The following BBS9 variants were observed in gnomAD, a reference collection of about 807,000 sequenced individuals.
BBS9 encodes Bardet-Biedl syndrome 9.
A neutral mutation model predicts 117.7 loss-of-function variants in BBS9; 89 were observed. The ratio of observed to expected loss-of-function variants is 0.76; its 90% confidence interval spans 0.64 to 0.90. The LOEUF is 0.90. Among genes scored for constraint, BBS9 ranks in the 40% least tolerant of loss-of-function variants. BBS9 has a pLI of 0.00. For missense variants in BBS9, 982 were observed against 1,042.2 expected (o/e 0.94, Z 0.80); for synonymous variants, 379 against 370.9 (o/e 1.02, Z -0.25).
intron 5 of BBS9, among the ~76,000 whole-genome samples, chr7:33,221,370 A>G (rs935765829): frequency 2.6e-5 from 4 of 152,204 alleles, no homozygotes; most frequent in African/African-American, 7.2e-5. Context: ...TGCTAATTAT[A>G]TTTTGATTTA....
At chr7:33,552,866 G>A (rs563802458) in intron 21 of BBS9, among the ~76,000 whole-genome samples, 4 of 152,200 alleles carry the variant, frequency 2.6e-5, no homozygotes, top group Non-Finnish European at 5.9e-5. Flanking sequence ...ATTAAACTTA[G>A]ACTTGTTACC....
rs537767898 is a variant in BBS9, at chr7:33,160,531, G to GA, written c.328+4835dup. 1.7e-3 allele frequency among the ~76,000 whole-genome samples: 257 copies of GA among 152,190 alleles called. 2 individuals are homozygous for GA. The highest frequency in any genetic ancestry group is 5.5e-3 in the African/African-American group (230 of 41,546). On this transcript the variant is annotated intron_variant, in intron 4 of 22. Coordinates refer to ENST00000242067, the MANE Select transcript of BBS9 (RefSeq NM_198428.3). ...CTATTGTTCATGGAAGCATAAGCAA[G>GA]AAAAAATAGGTAAGAGTCTCCTGAT...
At chr7:33,557,929 A>C (rs1855528858) in intron 21 of BBS9, among the ~76,000 whole-genome samples, 1 of 152,194 alleles carries the variant, frequency 6.6e-6, no homozygotes, top group South Asian at 2.1e-4. Context: ...CCACCATCCC[A>C]AGTTCAAGGT....
At position 33,273,147 on chromosome 7, in the gene BBS9, A is replaced by G; in HGVS notation, c.838A>G (p.Met280Val). The G allele has an allele frequency of 3.1e-6, 5 of 1,613,772 alleles. No individual in the cohort carries two copies. Among genetic ancestry groups the G allele is most frequent in the Non-Finnish European group, 4.2e-6 (5 of 1,179,796 alleles). The change falls in exon 8 of 23, where the codon ATG becomes GTG. Residue 280 changes from methionine (M) to valine (V), a missense_variant. By Grantham distance (21) the Met-to-Val change is conservative. Coordinates refer to ENST00000242067, the MANE Select transcript of BBS9 (RefSeq NM_198428.3). ...CLKDNGQIRF[M>V]KKLDWSPSCF... Reference sequence around the variant, plus strand: ...TAAGGATAATGGACAAATTCGATTCATGAAGAAGCTTGATTGGAGCCCAAG... The same window carrying G: ...TAAGGATAATGGACAAATTCGATTCGTGAAGAAGCTTGATTGGAGCCCAAG...
chr7:33,493,626 T>C (rs897260405), intron 19 of BBS9, among the ~76,000 whole-genome samples: 15 of 152,206 alleles, frequency 9.9e-5, no homozygotes, highest in Non-Finnish European at 1.8e-4. Flanking sequence ...AGCTGTCCTT[T>C]AGGTAGTAGA....
intron 12 of BBS9, among the ~76,000 whole-genome samples, chr7:33,348,656 G>T (rs1818045235): frequency 2.6e-5 from 4 of 152,114 alleles, no homozygotes. Flanking sequence ...TAGAGTAGCT[G>T]TACCAATTTA....
intron 21 of BBS9, among the ~76,000 whole-genome samples, chr7:33,556,243 T>G (rs1460790220): frequency 2.0e-5 from 3 of 152,210 alleles, no homozygotes; most frequent in Non-Finnish European, 1.5e-5. Context: ...CTAGAGGAAT[T>G]TGTTCTCTAT....
chr7:33,180,742 A>G (rs1307736171), intron 5 of BBS9, among the ~76,000 whole-genome samples: 1 of 152,158 alleles, frequency 6.6e-6, no homozygotes, highest in Non-Finnish European at 1.5e-5. Context: ...ATGGGAGCCC[A>G]TTCTCTCCTG....
chr7:33,130,975 T>C (rs1427380280), intron 1 of BBS9, among the ~76,000 whole-genome samples: 2 of 152,222 alleles, frequency 1.3e-5, no homozygotes, highest in African/African-American at 4.8e-5. Context: ...TTTACACCTT[T>C]TGAGGGATGT....
intron 19 of BBS9, among the ~76,000 whole-genome samples, chr7:33,452,033 C>A (rs1488372216): frequency 6.6e-6 from 1 of 152,046 alleles, no homozygotes; most frequent in Non-Finnish European, 1.5e-5. Flanking sequence ...GGGGTTTTGC[C>A]ATGCTGGCCA....
At chr7:33,208,972 G>A (rs1279261326) in intron 5 of BBS9, among the ~76,000 whole-genome samples, 2 of 152,058 alleles carry the variant, frequency 1.3e-5, no homozygotes, top group African/African-American at 4.8e-5. Context: ...GACTCTTTTA[G>A]TTATTTAAAA....
Position 33,587,336 on chromosome 7 carries a change from T to G in BBS9, c.2522-17529T>G, listed in dbSNP as rs147258488. Among the ~76,000 whole-genome samples, 206 of 152,262 alleles carry G rather than the reference T, an allele frequency of 1.4e-3. 4 individuals are homozygous for G. The highest frequency in any genetic ancestry group is 3.4e-3 in the Middle Eastern group (1 of 294). ...TTCTGTAGTGTTTCCACAGAGCTGC[T>G]TCTTGGAGCTCCTATTCTACATCCC... On this transcript the variant is annotated intron_variant, in intron 21 of 22. Coordinates refer to ENST00000242067, the MANE Select transcript of BBS9 (RefSeq NM_198428.3).
intron 19 of BBS9, among the ~76,000 whole-genome samples, chr7:33,470,145 G>T (rs909893242): frequency 2.0e-5 from 3 of 152,138 alleles, no homozygotes; most frequent in African/African-American, 7.2e-5. Context: ...AGGTCCTCAA[G>T]AAGTGCTTAT....
At chr7:33,173,912 A>G (rs1212860986) in intron 4 of BBS9, among the ~76,000 whole-genome samples, 1 of 152,242 alleles carries the variant, frequency 6.6e-6, no homozygotes, top group Non-Finnish European at 1.5e-5. Context: ...GTGTGCAAGA[A>G]AAATGAAACA....
intron 19 of BBS9, among the ~76,000 whole-genome samples, chr7:33,429,804 G>C (rs1834173950): frequency 6.6e-6 from 1 of 152,116 alleles, no homozygotes; most frequent in Admixed American, 6.5e-5. Flanking sequence ...TGTCGCAGTG[G>C]TTTCATAGTA....
chr7:33,453,761 C>T (rs568209866), intron 19 of BBS9, among the ~76,000 whole-genome samples: 19 of 152,308 alleles, frequency 1.2e-4, no homozygotes, highest in African/African-American at 4.6e-4. Flanking sequence ...CTCAGGTGAT[C>T]TGCCTGCCTC....
intron 21 of BBS9, among the ~76,000 whole-genome samples, chr7:33,597,069 T>TCACACACA (rs58511454): frequency 3.9e-4 from 54 of 138,940 alleles, no homozygotes; most frequent in South Asian, 2.9e-3. Context: ...TCTCTCTCTG[T>TCACACACA]CACACACACA....
chr7:33,205,855 T>C (rs926934796), intron 5 of BBS9, among the ~76,000 whole-genome samples: 3 of 152,182 alleles, frequency 2.0e-5, no homozygotes, highest in African/African-American at 7.2e-5. Context: ...GTAGTCACTG[T>C]CTTGATTTGA....
intron 4 of BBS9, among the ~76,000 whole-genome samples, chr7:33,166,084 C>T (rs528214834): frequency 1.3e-5 from 2 of 152,328 alleles, no homozygotes; most frequent in East Asian, 3.9e-4. Context: ...TTCCTTCTAA[C>T]AGTCAGGTCC....
Sources: allele counts gnomAD v4.1 joint callset (sites outside exome capture counted in the v4.1 genomes callset), GRCh38; gene constraint gnomAD v4.1.1; transcripts MANE v1.5; gene names NCBI Gene and HGNC (gene_info 2026-07-23, HGNC 2026-07-21).